Variants in MGMT observed in about 807,000 individuals in gnomAD.
The protein encoded by MGMT is O-6-methylguanine-DNA methyltransferase, also known as methylated-DNA--protein-cysteine methyltransferase.
Under a neutral mutation model 15.9 loss-of-function variants are expected in MGMT, and 14 were observed. That is an observed-to-expected ratio of 0.88 (90% CI 0.58 to 1.37). The LOEUF is 1.37. Ranked by LOEUF, MGMT falls within the 40% of genes most tolerant of loss-of-function variation. The pLI is 0.00. For synonymous variants in MGMT, 130 were observed against 118.2 expected (o/e 1.10, Z -0.65); for missense variants, 282 against 268.1 (o/e 1.05, Z -0.36).
Position 129,761,556 on chromosome 10 carries a change from T to A in MGMT, c.414+2215T>A, listed in dbSNP as rs192794860. Among the ~76,000 whole-genome samples the A allele has an allele frequency of 1.4e-3, 209 of 152,356 alleles. 2 individuals are homozygous for A. Among genetic ancestry groups the A allele is most frequent in the African/African-American group, 4.5e-3 (188 of 41,586 alleles). ...ATTGTTCTGCAAACCAGCGTGACTCTCTTCTCCTGCTATTAATCTCTATGA... is the reference window on the plus strand; with the variant it reads ...ATTGTTCTGCAAACCAGCGTGACTCACTTCTCCTGCTATTAATCTCTATGA... On this transcript the variant is annotated intron_variant, in intron 4 of 4. Transcript: ENST00000651593.
At position 129,611,636 on chromosome 10, in the gene MGMT, GT is replaced by G. The variant is rs575975139; in HGVS notation, c.125+75261del. Among the ~76,000 whole-genome samples the G allele has an allele frequency of 5.1e-3, 780 of 152,336 alleles. 6 individuals are homozygous for G. The highest frequency in any genetic ancestry group is 9.4e-3 in the Non-Finnish European group (638 of 68,030). On this transcript the variant is annotated intron_variant, in intron 2 of 4. Coordinates refer to ENST00000651593, the MANE Select transcript of MGMT (RefSeq NM_002412.5). ...GGGCTTGCATTATGACCTAGTTGCA[GT>G]TGAGGTCTCATCCTGTCCTGCAGGG...
At chr10:129,558,637 T>C (rs1024076114) in intron 2 of MGMT, among the ~76,000 whole-genome samples, 1 of 152,146 alleles carries the variant, frequency 6.6e-6, no homozygotes, top group African/African-American at 2.4e-5. Context: ...AGATTGGAAA[T>C]GGTATTACAG....
chr10:129,589,413 C>A (rs534611182), intron 2 of MGMT, among the ~76,000 whole-genome samples: 1 of 152,188 alleles, frequency 6.6e-6, no homozygotes, highest in Non-Finnish European at 1.5e-5. Context: ...TCACCTCTGA[C>A]CTCTTGAGTT....
chr10:129,544,941 C>A (rs546689976), intron 2 of MGMT, among the ~76,000 whole-genome samples: 1 of 152,258 alleles, frequency 6.6e-6, no homozygotes, highest in Non-Finnish European at 1.5e-5. Flanking sequence ...GCGGCGTGGC[C>A]AGGGGTCAGG....
chr10:129,490,580 C>T (rs1356606434), intron 1 of MGMT, among the ~76,000 whole-genome samples: 1 of 152,076 alleles, frequency 6.6e-6, no homozygotes, highest in Non-Finnish European at 1.5e-5. Context: ...TCTTTTTCTA[C>T]CCTTTAGCTT....
intron 2 of MGMT, among the ~76,000 whole-genome samples, chr10:129,555,747 T>C (rs1846206232): frequency 6.6e-6 from 1 of 151,996 alleles, no homozygotes; most frequent in South Asian, 2.1e-4. Context: ...ATAAAGATCC[T>C]GTAAGTGAAG....
At chr10:129,718,916 C>T (rs530987751) in intron 3 of MGMT, among the ~76,000 whole-genome samples, 4 of 149,460 alleles carry the variant, frequency 2.7e-5, no homozygotes, top group Admixed American at 1.3e-4. Context: ...AGAGCTAGTT[C>T]GTTTGCCCGC....
At chr10:129,554,150 CCTATT>C (rs1286568180) in intron 2 of MGMT, among the ~76,000 whole-genome samples, 2 of 152,216 alleles carry the variant, frequency 1.3e-5, no homozygotes, top group Non-Finnish European at 2.9e-5. Context: ...CCTCTGAACA[CCTATT>C]CTGTGACCTG....
intron 2 of MGMT, among the ~76,000 whole-genome samples, chr10:129,611,465 C>G (rs776920195): frequency 6.6e-6 from 1 of 152,278 alleles, no homozygotes; most frequent in East Asian, 1.9e-4. Flanking sequence ...CCAGTCACCT[C>G]CTACCAGGAC....
intron 3 of MGMT, among the ~76,000 whole-genome samples, chr10:129,711,575 G>A (rs990917335): frequency 3.3e-5 from 5 of 152,190 alleles, no homozygotes; most frequent in Non-Finnish European, 4.4e-5. Flanking sequence ...CTAATTTCTC[G>A]TTCAAGTGTT....
chr10:129,745,552 T>A (rs1466852204), intron 3 of MGMT, among the ~76,000 whole-genome samples: 2 of 152,260 alleles, frequency 1.3e-5, no homozygotes, highest in Non-Finnish European at 2.9e-5. Context: ...TTGAGATTCA[T>A]CCAAGTTGTT....
At chr10:129,711,148 A>G (rs945366706) in intron 3 of MGMT, among the ~76,000 whole-genome samples, 1 of 152,176 alleles carries the variant, frequency 6.6e-6, no homozygotes, top group Non-Finnish European at 1.5e-5. Context: ...TCTCTCCTGC[A>G]CACGGCCTCT....
chr10:129,570,262 A>G (rs2133038537), intron 2 of MGMT, among the ~76,000 whole-genome samples: 1 of 152,380 alleles, frequency 6.6e-6, no homozygotes, highest in South Asian at 2.1e-4. Flanking sequence ...TTAACTAAGA[A>G]TTTTGTTGTT....
At chr10:129,664,221 G>T (rs902902802) in intron 2 of MGMT, among the ~76,000 whole-genome samples, 9 of 152,146 alleles carry the variant, frequency 5.9e-5, no homozygotes, top group Non-Finnish European at 1.3e-4. Context: ...AAGGAAAAAA[G>T]TACCAATGCA....
chr10:129,499,258 A>G (rs879224868), intron 1 of MGMT, among the ~76,000 whole-genome samples: 1 of 152,234 alleles, frequency 6.6e-6, no homozygotes, highest in African/African-American at 2.4e-5. Context: ...ATTCTCTGTA[A>G]ACATGGTTAG....
intron 2 of MGMT, among the ~76,000 whole-genome samples, chr10:129,575,009 A>G (rs1438946594): frequency 6.6e-6 from 1 of 152,146 alleles, no homozygotes; most frequent in Non-Finnish European, 1.5e-5. Context: ...CCGCTGTGTG[A>G]TCTCCACACA....
chr10:129,559,242 A>G (rs1846250297), intron 2 of MGMT, among the ~76,000 whole-genome samples: 1 of 152,240 alleles, frequency 6.6e-6, no homozygotes, highest in African/African-American at 2.4e-5. Flanking sequence ...CCTGTACACC[A>G]CACGTCCAAT....
intron 4 of MGMT, among the ~76,000 whole-genome samples, chr10:129,760,670 C>T (rs1848862134): frequency 6.6e-6 from 1 of 152,196 alleles, no homozygotes; most frequent in Admixed American, 6.5e-5. Flanking sequence ...CACAAAACTG[C>T]ATTGTTAGTC....
Position 129,703,727 on chromosome 10 carries a change from C to T in MGMT, c.126-4168C>T, listed in dbSNP as rs1039108008. ...AATCCTGCAGCCCCAGGTGCCACCA[C>T]GGACGCCAGCTCATGACACCAGCAG... is the stretch of plus-strand genomic sequence containing the variant. On this transcript the variant is annotated intron_variant, in intron 2 of 4. Coordinates refer to ENST00000651593, the MANE Select transcript of MGMT (RefSeq NM_002412.5). Among the ~76,000 whole-genome samples the T allele has an allele frequency of 2.6e-5, 4 of 152,144 alleles. 1 individual carries two copies. The highest frequency in any genetic ancestry group is 5.9e-5 in the Non-Finnish European group (4 of 68,024).
Sources: gnomAD v4.1 joint callset for allele counts (sites outside exome capture counted in the v4.1 genomes callset) on GRCh38, gnomAD v4.1.1 for gene constraint, MANE v1.5 for transcripts, NCBI Gene and HGNC (gene_info 2026-07-23, HGNC 2026-07-21) for gene names.